Variants in OR9Q1 observed in about 807,000 individuals in gnomAD.
OR9Q1 encodes the protein olfactory receptor family 9 subfamily Q member 1.
For synonymous variants in OR9Q1, 153 were observed against 148.6 expected (o/e 1.03, Z -0.22); for missense variants, 374 against 378.8 (o/e 0.99, Z 0.11).
chr11:58,103,739 G>A (rs1313801887), intron 2 of OR9Q1, among the ~76,000 whole-genome samples: 1 of 152,194 alleles, frequency 6.6e-6, no homozygotes, highest in Non-Finnish European at 1.5e-5. Flanking sequence ...TACTGGAGTA[G>A]CTTTCATAAG....
chr11:58,152,540 A>G (rs1051812828), intron 2 of OR9Q1, among the ~76,000 whole-genome samples: 1 of 152,136 alleles, frequency 6.6e-6, no homozygotes, highest in African/African-American at 2.4e-5. Context: ...TGCATCATTT[A>G]TATTTCTTTT....
chr11:58,081,793 C>CTTTTTTTTTTT (rs201892501), intron 2 of OR9Q1, among the ~76,000 whole-genome samples: 26 of 128,094 alleles, frequency 2.0e-4, no homozygotes, highest in Non-Finnish European at 3.0e-4. Flanking sequence ...ATGATAGTTT[C>CTTTTTTTTTTT]TTTTTTTTTT....
At chr11:58,124,971 C>A (rs910787546) in intron 2 of OR9Q1, among the ~76,000 whole-genome samples, 5 of 152,088 alleles carry the variant, frequency 3.3e-5, no homozygotes, top group African/African-American at 1.2e-4. Context: ...TAGTTAAGTA[C>A]CTTGTCCAAG....
intron 2 of OR9Q1, among the ~76,000 whole-genome samples, chr11:58,090,029 G>C (rs1163955438): frequency 6.6e-6 from 1 of 152,090 alleles, no homozygotes; most frequent in African/African-American, 2.4e-5. Context: ...TTACTTATCA[G>C]CTTAAGGAGA....
chr11:58,046,771 G>A (rs1853220676), intron 1 of OR9Q1, among the ~76,000 whole-genome samples: 1 of 152,086 alleles, frequency 6.6e-6, no homozygotes, highest in Non-Finnish European at 1.5e-5. Context: ...GCTGAGGCAG[G>A]AGAATCACTT....
At chr11:58,096,750 C>A (rs1375425354) in intron 2 of OR9Q1, among the ~76,000 whole-genome samples, 1 of 144,994 alleles carries the variant, frequency 6.9e-6, no homozygotes, top group Admixed American at 7.1e-5. Flanking sequence ...GTCACCCAGG[C>A]TGGAGTGCAG....
At chr11:58,177,266 G>T (rs1301884313) in intron 2 of OR9Q1, among the ~76,000 whole-genome samples, 1 of 152,164 alleles carries the variant, frequency 6.6e-6, no homozygotes, top group African/African-American at 2.4e-5. Context: ...TCTGAGTAGA[G>T]GCTGTTGGAA....
At chr11:58,126,553 C>A (rs1007144577) in intron 2 of OR9Q1, among the ~76,000 whole-genome samples, 1 of 152,142 alleles carries the variant, frequency 6.6e-6, no homozygotes, top group Non-Finnish European at 1.5e-5. Flanking sequence ...ATTGCAGATG[C>A]CAGATGCCAG....
chr11:58,077,398 C>T (rs1031968325), intron 2 of OR9Q1: 2 of 152,274 alleles, frequency 1.3e-5, no homozygotes, highest in East Asian at 3.9e-4. Flanking sequence ...TTGAAGGCAA[C>T]TTGTATATCC....
intron 2 of OR9Q1, among the ~76,000 whole-genome samples, chr11:58,091,546 G>A (rs1382169040): frequency 6.6e-6 from 1 of 152,088 alleles, no homozygotes; most frequent in East Asian, 1.9e-4. Context: ...CATTTACTGA[G>A]GAGTGTTTTA....
At chr11:58,047,964 C>T (rs370165297) in intron 1 of OR9Q1, among the ~76,000 whole-genome samples, 56 of 152,258 alleles carry the variant, frequency 3.7e-4, no homozygotes, top group Middle Eastern at 3.4e-3. Flanking sequence ...GGCATCTTAT[C>T]TCTGCACACT....
intron 1 of OR9Q1, among the ~76,000 whole-genome samples, chr11:58,037,674 TATATATATATATATA>T (rs1277024119): frequency 2.6e-3 from 28 of 10,762 alleles, no homozygotes; most frequent in African/African-American, 4.8e-3. Flanking sequence ...TATATATATA[TATATATATATATATA>T]TTTTTTTTTT....
intron 2 of OR9Q1, among the ~76,000 whole-genome samples, chr11:58,059,275 C>G (rs1181791629): frequency 6.6e-6 from 1 of 152,030 alleles, no homozygotes; most frequent in African/African-American, 2.4e-5. Flanking sequence ...TTGTATAATT[C>G]TTGGCATTAT....
At chr11:58,133,510 T>C (rs1469370767) in intron 2 of OR9Q1, among the ~76,000 whole-genome samples, 2 of 152,192 alleles carry the variant, frequency 1.3e-5, no homozygotes, top group African/African-American at 4.8e-5. Context: ...CTTAATACTT[T>C]CGCTTCTCCC....
At chr11:58,059,827 T>C (rs957063194) in intron 2 of OR9Q1, 6 of 151,838 alleles carry the variant, frequency 4.0e-5, no homozygotes, top group Admixed American at 2.6e-4. Flanking sequence ...ATAGAAATTA[T>C]ATAAGATGGC....
rs1304725265 is a variant in OR9Q1, at chr11:58,179,932, C to G, written c.488C>G (p.Ala163Gly). The G allele has an allele frequency of 2.5e-5, 40 of 1,614,140 alleles. No individual in the cohort carries two copies. The highest frequency in any genetic ancestry group is 3.3e-5 in the Non-Finnish European group (39 of 1,180,012). ...LISALVRTVS[A>G]FTLSFCGTSE... ...AGTGCCTTGGTGCGGACAGTCTCAG[C>G]CTTCACTCTCTCCTTCTGTGGAACC... Residue 163 changes from alanine to glycine, a missense_variant, in exon 3 of 3, where the codon GCC becomes GGC. Coordinates refer to ENST00000335397, the MANE Select transcript of OR9Q1 (RefSeq NM_001005212.4).
At chr11:58,142,534 G>C (rs1031314783) in intron 2 of OR9Q1, among the ~76,000 whole-genome samples, 2 of 152,100 alleles carry the variant, frequency 1.3e-5, no homozygotes, top group African/African-American at 4.8e-5. Context: ...CCCCCCAGTT[G>C]CTGAACATTA....
chr11:58,140,089 G>A (rs1378365973), intron 2 of OR9Q1, among the ~76,000 whole-genome samples: 3 of 151,978 alleles, frequency 2.0e-5, no homozygotes, highest in Non-Finnish European at 2.9e-5. Context: ...GTCTTCTTTC[G>A]AGAAGTGTCT....
chr11:58,038,023 G>A (rs1359026163), intron 1 of OR9Q1, among the ~76,000 whole-genome samples: 1 of 52 alleles, frequency 0.019, no homozygotes, highest in Non-Finnish European at 0.031. Flanking sequence ...GAGCTACCGC[G>A]CCCGGCCAGA....
Sources: gnomAD v4.1 joint callset for allele counts (sites outside exome capture counted in the v4.1 genomes callset) on GRCh38, gnomAD v4.1.1 for gene constraint, MANE v1.5 for transcripts, NCBI Gene and HGNC (gene_info 2026-07-23, HGNC 2026-07-21) for gene names.